NAT10: variants seen among roughly 807,000 people sequenced by gnomAD.
NAT10 encodes N-acetyltransferase 10.
NAT10 carries 109 observed loss-of-function variants against 132.2 expected under a neutral mutation model. The observed-to-expected ratio is 0.82, with a 90% CI of 0.71 to 0.97. NAT10 has a LOEUF of 0.97. Among genes scored for constraint, NAT10 ranks in the 50% least tolerant of loss-of-function variants. The probability of loss-of-function intolerance (pLI) is 0.00; values close to 1 mark genes in which losing one functional copy is unlikely to be tolerated. For missense variants in NAT10, 1,184 were observed against 1,263.4 expected, an observed-to-expected ratio of 0.94 and a Z score of 0.95; for synonymous variants, 479 against 478.0, an observed-to-expected ratio of 1.00 and a Z score of -0.03.
At chr11:34,120,408 CT>C (rs1349392881) in intron 8 of NAT10, among the ~76,000 whole-genome samples, 1 of 152,192 alleles carries the variant, frequency 6.6e-6, no homozygotes, top group Non-Finnish European at 1.5e-5. Context: ...GAAACTCTGG[CT>C]TCCTGAAGCC....
chr11:34,126,920 T>C (rs1852004217), intron 11 of NAT10, among the ~76,000 whole-genome samples: 1 of 152,210 alleles, frequency 6.6e-6, no homozygotes, highest in Non-Finnish European at 1.5e-5. Context: ...CAGGGAGACT[T>C]GGCCCTTGTA....
rs911449084 is a variant in NAT10 at position 34,125,850 on chromosome 11, G to C, written c.1107+1450G>C. On this transcript the variant is annotated intron_variant, in intron 11 of 28. Coordinates refer to ENST00000257829, the MANE Select transcript of NAT10 (RefSeq NM_024662.3). ...GTGGTGGCATGCGCCTGCAATCCCA[G>C]CTACTCGGGAGGCCGAGGCAGGAGA... Among the ~76,000 whole-genome samples, 13 of 152,142 alleles carry C rather than the reference G, an allele frequency of 8.5e-5. 1 individual carries two copies. Among genetic ancestry groups the C allele is most frequent in the Non-Finnish European group, 1.9e-4 (13 of 68,034 alleles).
intron 19 of NAT10, among the ~76,000 whole-genome samples, chr11:34,135,984 A>G (rs919873761): frequency 2.6e-5 from 4 of 152,064 alleles, no homozygotes; most frequent in Non-Finnish European, 5.9e-5. Flanking sequence ...AAAAAGTTCA[A>G]GCTCAGAGGT....
chr11:34,139,417 TACCAG>T lies in NAT10; in HGVS notation c.2342_2346del (p.Tyr781PhefsTer39). ...ACGGCGGTTCCTAGCCTTGCTCTCC[TACCAG>T]TTCAGTACCTTCTCTCCTTCCCTGG... On this transcript the variant is annotated frameshift_variant, in exon 23 of 29. Transcript: ENST00000257829. LOFTEE classifies it high-confidence loss of function. The T allele has an allele frequency of 6.2e-7, 1 of 1,614,144 alleles. No homozygotes were observed. Among genetic ancestry groups the T allele is most frequent in the East Asian group, 2.2e-5 (1 of 44,868 alleles).
At chr11:34,135,467 G>C (rs1366260394) in intron 19 of NAT10, among the ~76,000 whole-genome samples, 176 bp downstream of exon 19, 1 of 152,130 alleles carries the variant, frequency 6.6e-6, no homozygotes, top group Non-Finnish European at 1.5e-5. Flanking sequence ...GGGATCATCT[G>C]GCAGCTTGTT....
intron 11 of NAT10, 114 bp from the exon 12 acceptor site, chr11:34,127,349 G>T (rs934073140): frequency 1.2e-5 from 14 of 1,196,158 alleles, no homozygotes; most frequent in African/African-American, 3.1e-5. Flanking sequence ...AATGAGAGGA[G>T]AGAAGGAAAC....
intron 27 of NAT10, 68 bp from the exon 28 acceptor site, chr11:34,143,377 C>A: frequency 7.5e-7 from 1 of 1,336,500 alleles, no homozygotes; most frequent in Non-Finnish European, 1.0e-6. Context: ...TTGTCACTGT[C>A]GTTATTTTCT....
intron 11 of NAT10, 109 bp downstream of exon 11, chr11:34,124,509 CTT>C (rs1317958100): frequency 7.0e-6 from 5 of 712,484 alleles, no homozygotes; most frequent in Non-Finnish European, 1.1e-5. Flanking sequence ...AATTGCATGT[CTT>C]TTAGACAATG....
At chr11:34,127,265 G>A (rs1019311646) in intron 11 of NAT10, among the ~76,000 whole-genome samples, 198 bp from the exon 12 acceptor site, 3 of 152,146 alleles carry the variant, frequency 2.0e-5, no homozygotes, top group African/African-American at 4.8e-5. Flanking sequence ...ATCAGTGGCC[G>A]AACTCTCTGA....
intron 14 of NAT10, among the ~76,000 whole-genome samples, 175 bp from the exon 15 acceptor site, chr11:34,131,950 C>G (rs1852113526): frequency 6.6e-6 from 1 of 152,150 alleles, no homozygotes; most frequent in African/African-American, 2.4e-5. Flanking sequence ...TCCCAAAGTG[C>G]TGGGATTACC....
chr11:34,113,491 C>T (rs1320988083), intron 4 of NAT10, among the ~76,000 whole-genome samples: 1 of 151,970 alleles, frequency 6.6e-6, no homozygotes, highest in East Asian at 1.9e-4. Flanking sequence ...GCCTTATCAC[C>T]TGGCTTTTGG....
At chr11:34,117,576 G>C (rs1243353330) in intron 6 of NAT10, among the ~76,000 whole-genome samples, 1 of 152,214 alleles carries the variant, frequency 6.6e-6, no homozygotes, top group Non-Finnish European at 1.5e-5. Flanking sequence ...AGAATGAGCA[G>C]ATCAGGAGGA....
chr11:34,107,099 T>C (rs970173288), intron 1 of NAT10: 1 of 141,562 alleles, frequency 7.1e-6, no homozygotes, highest in Non-Finnish European at 1.5e-5. Flanking sequence ...TGGCACACCA[T>C]CTCGGCTCAC....
chr11:34,128,919 A>C (rs1402282181), intron 12 of NAT10, among the ~76,000 whole-genome samples: 1 of 152,156 alleles, frequency 6.6e-6, no homozygotes, highest in Admixed American at 6.5e-5. Flanking sequence ...ATTTCATATA[A>C]ATGGAATTAT....
At chr11:34,139,577 G>GA in intron 23 of NAT10, 82 bp downstream of exon 23, 1 of 1,297,492 alleles carries the variant, frequency 7.7e-7, no homozygotes, top group East Asian at 2.3e-5. Context: ...GGAAGGGTTT[G>GA]GGCTGGAAAT....
intron 12 of NAT10, 148 bp from the exon 13 acceptor site, chr11:34,130,665 G>A (rs986150720): frequency 3.6e-5 from 38 of 1,053,496 alleles, no homozygotes; most frequent in Non-Finnish European, 4.8e-5. Flanking sequence ...ACAGGTGCCT[G>A]CTATGCTGGA....
intron 28 of NAT10, among the ~76,000 whole-genome samples, chr11:34,145,414 G>C (rs947091354): frequency 6.6e-6 from 1 of 152,156 alleles, no homozygotes; most frequent in African/African-American, 2.4e-5. Flanking sequence ...TCTCTGGACT[G>C]AACTCTTCAC....
rs1452189607 is a variant in NAT10, at chr11:34,118,523, C to G, written c.780+20C>G. ...GACCAGGTGAGTGTGGTGCTCAGCA[C>G]TTCCAACACAAAGGTAGTAAAACAT... is the stretch of plus-strand genomic sequence containing the variant. On this transcript the variant is annotated intron_variant, in intron 8 of 28. Transcript: ENST00000257829. The G allele has an allele frequency of 6.3e-7, 1 of 1,592,002 alleles. No individual in the cohort carries two copies. The highest frequency in any genetic ancestry group is 1.7e-5 in the Admixed American group (1 of 58,396).
At chr11:34,108,655 T>G in intron 2 of NAT10, 87 bp from the exon 3 acceptor site, 1 of 1,274,122 alleles carries the variant, frequency 7.8e-7, no homozygotes, top group South Asian at 1.4e-5. Flanking sequence ...TCAGTTTAGT[T>G]TCCACATCCG....
Sources: allele counts gnomAD v4.1 joint callset (sites outside exome capture counted in the v4.1 genomes callset), GRCh38; gene constraint gnomAD v4.1.1; transcripts MANE v1.5; gene names NCBI Gene and HGNC (gene_info 2026-07-23, HGNC 2026-07-21).